The following KLHDC4 variants were observed in gnomAD, a reference collection of about 807,000 sequenced individuals.
KLHDC4 encodes the protein kelch domain-containing protein 4.
KLHDC4 carries 90 observed loss-of-function variants against 62.4 expected under a neutral mutation model. The observed-to-expected ratio is 1.44, with a 90% CI of 1.22 to 1.72. KLHDC4 has a LOEUF of 1.72. Among genes scored for constraint, KLHDC4 ranks in the 40% most tolerant of loss-of-function variants. The pLI is 0.00. For missense variants in KLHDC4, 1,025 were observed against 699.7 expected (o/e 1.47, Z -5.25); for synonymous variants, 386 against 284.4 (o/e 1.36, Z -3.59).
chr16:87,730,402 G>A (rs981762170), intron 6 of KLHDC4, 150 bp downstream of exon 6: 1 of 628,016 alleles, frequency 1.6e-6, no homozygotes, highest in South Asian at 2.1e-5. Context: ...GCCCTTTGGA[G>A]GGCAAGGCCC....
intron 4 of KLHDC4, 95 bp downstream of exon 4, chr16:87,755,099 C>T (rs1048296957): frequency 6.1e-5 from 50 of 813,372 alleles, no homozygotes; most frequent in African/African-American, 6.0e-4. Flanking sequence ...CCAGCCCCTC[C>T]GCACCAGCTG....
At chr16:87,758,950 C>T (rs192993336) in intron 2 of KLHDC4, among the ~76,000 whole-genome samples, 4 of 151,794 alleles carry the variant, frequency 2.6e-5, no homozygotes, top group Non-Finnish European at 4.4e-5. Context: ...CCGAGGCGGG[C>T]GGATCACCTG....
Position 87,726,751 on chromosome 16 carries a change from AC to A in KLHDC4, c.759+13del, listed in dbSNP as rs752151575. The A allele has an allele frequency of 1.7e-6, 2 of 1,202,190 alleles. No individual in the cohort carries two copies. Among genetic ancestry groups the A allele is most frequent in the Non-Finnish European group, 2.1e-6 (2 of 954,152 alleles). 74.5% of individuals were successfully genotyped at this position (1,202,190 alleles called of 1,614,324 possible). A position where few individuals can be genotyped will look rare whatever the true frequency, so the allele number is the denominator to read the frequency against. On this transcript the variant is annotated intron_variant, in intron 7 of 11. Coordinates refer to ENST00000270583, the MANE Select transcript of KLHDC4 (RefSeq NM_017566.4). ...GGTCCCACGCCTTGCCTGTTTCCCCACCCCCCGCCTTACCTGTTTCGAGTAG... is the reference window on the plus strand; with the variant it reads ...GGTCCCACGCCTTGCCTGTTTCCCCACCCCCGCCTTACCTGTTTCGAGTAG...
chr16:87,712,048 C>T (rs1027521459), intron 8 of KLHDC4, among the ~76,000 whole-genome samples: 2 of 151,986 alleles, frequency 1.3e-5, no homozygotes, highest in Non-Finnish European at 2.9e-5. Context: ...AGGGACCCTT[C>T]GCCCGGGGGC....
At chr16:87,737,433 C>G (rs1403446249) in intron 5 of KLHDC4, among the ~76,000 whole-genome samples, 1 of 151,294 alleles carries the variant, frequency 6.6e-6, no homozygotes, top group East Asian at 2.0e-4. Flanking sequence ...CCTAAAAATA[C>G]AAAAATTAGC....
intron 7 of KLHDC4, among the ~76,000 whole-genome samples, chr16:87,724,538 C>G (rs554026182): frequency 1.8e-4 from 28 of 152,244 alleles, no homozygotes; most frequent in African/African-American, 6.5e-4. Context: ...TTAAAAATAG[C>G]AGAAGACATG....
intron 5 of KLHDC4, among the ~76,000 whole-genome samples, chr16:87,733,479 G>A (rs918245979): frequency 6.6e-5 from 10 of 152,202 alleles, no homozygotes; most frequent in Non-Finnish European, 1.5e-5. Context: ...CGTGTGCTGG[G>A]ACTACCCAGG....
At chr16:87,715,821 A>G (rs2036851248) in intron 7 of KLHDC4, among the ~76,000 whole-genome samples, 1 of 152,184 alleles carries the variant, frequency 6.6e-6, no homozygotes, top group Admixed American at 6.5e-5. Context: ...TCTCACAGAT[A>G]TTGACACAGA....
chr16:87,735,000 G>GC (rs59678605), intron 5 of KLHDC4, among the ~76,000 whole-genome samples: 7 of 79,924 alleles, frequency 8.8e-5, no homozygotes, highest in African/African-American at 2.5e-4. Context: ...ATTGCCTGAC[G>GC]CCCCTCCCCC....
intron 2 of KLHDC4, among the ~76,000 whole-genome samples, chr16:87,761,487 C>T (rs1363758158): frequency 6.6e-6 from 1 of 152,190 alleles, no homozygotes; most frequent in Non-Finnish European, 1.5e-5. Context: ...AGACTCGGAA[C>T]GTTTTTACGT....
intron 7 of KLHDC4, among the ~76,000 whole-genome samples, chr16:87,721,528 A>C (rs1182827777): frequency 6.6e-6 from 1 of 151,822 alleles, no homozygotes; most frequent in African/African-American, 2.4e-5. Flanking sequence ...AGCACGAGAC[A>C]AGCTGAGACA....
At chr16:87,741,938 G>C (rs2042301605) in intron 5 of KLHDC4, among the ~76,000 whole-genome samples, 1 of 152,210 alleles carries the variant, frequency 6.6e-6, no homozygotes, top group African/African-American at 2.4e-5. Context: ...TCCGTTTCCT[G>C]ATGAGCTCTT....
At chr16:87,764,967 C>G (rs182154368) in intron 1 of KLHDC4, 1 of 367,562 alleles carries the variant, frequency 2.7e-6, no homozygotes, top group Non-Finnish European at 5.4e-6. Flanking sequence ...TCAAGAGCTC[C>G]TGATTCAGGA....
chr16:87,705,813 G>A (rs995402863), downstream of KLHDC4, among the ~76,000 whole-genome samples: 4 of 152,150 alleles, frequency 2.6e-5, no homozygotes, highest in Non-Finnish European at 5.9e-5. Flanking sequence ...GGGCGGGGGC[G>A]CTGCTGCCTG....
Position 87,711,367 on chromosome 16 carries a change from G to A in KLHDC4, c.912C>T (p.Ala304=), listed in dbSNP as rs1172745556. ...CGAAGAACAGTGTCTGGTGATTCGG[G>A]GCCATGGCCACGGAAAAGCCAGACC... ...TPRSGFSVAM[A]PNHQTLFFGG... Residue 304 remains alanine, a synonymous_variant, in exon 9 of 12, where the codon GCC becomes GCT. Coordinates refer to ENST00000270583, the MANE Select transcript of KLHDC4 (RefSeq NM_017566.4). The A allele has an allele frequency of 6.2e-6, 10 of 1,613,850 alleles. No homozygotes were observed. Among genetic ancestry groups the A allele is most frequent in the Non-Finnish European group, 8.5e-6 (10 of 1,180,022 alleles).
chr16:87,713,738 G>A (rs1186256866), intron 8 of KLHDC4, among the ~76,000 whole-genome samples: 4 of 152,054 alleles, frequency 2.6e-5, no homozygotes, highest in African/African-American at 4.8e-5. Flanking sequence ...GACACATCCT[G>A]GGCCCTCTGG....
At chr16:87,735,852 C>G (rs1251030243) in intron 5 of KLHDC4, among the ~76,000 whole-genome samples, 1 of 152,196 alleles carries the variant, frequency 6.6e-6, no homozygotes, top group East Asian at 1.9e-4. Flanking sequence ...CCAAGCAGGG[C>G]AAGCTGCCAG....
chr16:87,749,573 A>C (rs1007945161), intron 4 of KLHDC4, among the ~76,000 whole-genome samples: 1 of 150,376 alleles, frequency 6.6e-6, no homozygotes, highest in African/African-American at 2.4e-5. Context: ...AAAAAAAAAG[A>C]AAGAAAGTGT....
At chr16:87,737,000 C>T (rs746465011) in intron 5 of KLHDC4, among the ~76,000 whole-genome samples, 14 of 145,872 alleles carry the variant, frequency 9.6e-5, no homozygotes, top group Non-Finnish European at 1.8e-4. Flanking sequence ...TGGTAGGCAC[C>T]TGTAATCCCA....
Sources: gnomAD v4.1 joint callset for allele counts (sites outside exome capture counted in the v4.1 genomes callset) on GRCh38, gnomAD v4.1.1 for gene constraint, MANE v1.5 for transcripts, NCBI Gene and HGNC (gene_info 2026-07-23, HGNC 2026-07-21) for gene names.